DPYD: variants seen among roughly 807,000 people sequenced by gnomAD.
The protein encoded by DPYD is dihydropyrimidine dehydrogenase [NADP(+)].
Under a neutral mutation model 116.2 loss-of-function variants are expected in DPYD, and 109 were observed. The ratio of observed to expected loss-of-function variants is 0.94; its 90% CI spans 0.80 to 1.10. The LOEUF (loss-of-function observed/expected upper bound fraction) is 1.10. Ranked by LOEUF, DPYD falls within the 50% of genes least tolerant of loss-of-function variation. The pLI is 0.00. For synonymous variants in DPYD, 440 were observed against 432.0 expected (o/e 1.02, Z -0.23); for missense variants, 1,302 against 1,254.5 (o/e 1.04, Z -0.57).
At chr1:97,782,197 C>A (rs1221701873) in intron 3 of DPYD, among the ~76,000 whole-genome samples, 1 of 152,226 alleles carries the variant, frequency 6.6e-6, no homozygotes, top group Non-Finnish European at 1.5e-5. Context: ...TAAACCACTG[C>A]AAACAAAGGT....
intron 18 of DPYD, among the ~76,000 whole-genome samples, chr1:97,269,665 C>A (rs1664449732): frequency 6.6e-6 from 1 of 152,146 alleles, no homozygotes; most frequent in Non-Finnish European, 1.5e-5. Context: ...GAGATGGCTG[C>A]TTTCTCACTG....
intron 8 of DPYD, among the ~76,000 whole-genome samples, chr1:97,635,470 C>T (rs1397670725): frequency 6.6e-6 from 1 of 152,138 alleles, no homozygotes; most frequent in East Asian, 1.9e-4. Flanking sequence ...TATGTGTTAA[C>T]GATGTAATTG....
intron 5 of DPYD, among the ~76,000 whole-genome samples, chr1:97,717,612 C>T (rs1275393399): frequency 6.6e-6 from 1 of 152,030 alleles, no homozygotes; most frequent in African/African-American, 2.4e-5. Context: ...TCTCTTCCCC[C>T]TAAGTCCACA....
chr1:97,908,656 C>T (rs72981725), intron 1 of DPYD, among the ~76,000 whole-genome samples: 2,809 of 152,122 alleles, frequency 0.018, 92 homozygotes, highest in African/African-American at 0.064. Context: ...CTTGACTTTA[C>T]CATGATTATC....
intron 10 of DPYD, among the ~76,000 whole-genome samples, chr1:97,581,395 G>A (rs1177483284): frequency 5.4e-5 from 8 of 148,664 alleles, no homozygotes; most frequent in Admixed American, 5.4e-4. Context: ...TAAAGGCAGT[G>A]TACTTGAATG....
At chr1:97,530,717 C>G (rs781339979) in intron 12 of DPYD, among the ~76,000 whole-genome samples, 27 of 152,284 alleles carry the variant, frequency 1.8e-4, no homozygotes, top group Non-Finnish European at 3.7e-4. Context: ...TTTTCTATAG[C>G]AGTTTCACCA....
At chr1:97,848,176 C>T (rs141941048) in intron 2 of DPYD, among the ~76,000 whole-genome samples, 3 of 152,166 alleles carry the variant, frequency 2.0e-5, no homozygotes, top group African/African-American at 7.2e-5. Context: ...TGGCTCACTG[C>T]AAGCTCCGCC....
chr1:97,245,013 T>C (rs536436619), intron 18 of DPYD, among the ~76,000 whole-genome samples: 8 of 152,214 alleles, frequency 5.3e-5, no homozygotes, highest in Non-Finnish European at 5.9e-5. Flanking sequence ...CCACTTCATA[T>C]GAAAAAATAA....
intron 20 of DPYD, among the ~76,000 whole-genome samples, chr1:97,153,534 G>T (rs953645241): frequency 6.6e-6 from 1 of 151,966 alleles, no homozygotes; most frequent in Non-Finnish European, 1.5e-5. Flanking sequence ...AAGACCTGAA[G>T]CCATATAAGT....
chr1:97,503,264 T>TTA (rs1679697263), intron 13 of DPYD, among the ~76,000 whole-genome samples: 1 of 152,034 alleles, frequency 6.6e-6, no homozygotes, highest in South Asian at 2.1e-4. Flanking sequence ...AATGTTTGTT[T>TTA]ATTCCCCCCA....
At chr1:97,728,510 G>A (rs1476794100) in intron 4 of DPYD, among the ~76,000 whole-genome samples, 1 of 151,938 alleles carries the variant, frequency 6.6e-6, no homozygotes, top group Non-Finnish European at 1.5e-5. Context: ...TTAACAAATA[G>A]TCCTATCATA....
chr1:97,756,445 T>C (rs1308575011), intron 3 of DPYD, among the ~76,000 whole-genome samples: 1 of 152,160 alleles, frequency 6.6e-6, no homozygotes, highest in Non-Finnish European at 1.5e-5. Flanking sequence ...ACATCTAAAA[T>C]GGATATTTTT....
At position 97,920,968 on chromosome 1, in the gene DPYD, C is replaced by T; in HGVS notation, c.-46G>A. ...GTCTGCCAGTGACAAACCCTCCTTG[C>T]GTCCTCAAGCTCCAGCCAGAGAGCC... On this transcript the variant is annotated 5_prime_UTR_variant, in exon 1 of 23. Transcript: ENST00000370192. 1.3e-6 allele frequency: 2 copies of T among 1,559,558 alleles called. No homozygotes were observed. Among genetic ancestry groups the T allele is most frequent in the Non-Finnish European group, 1.7e-6 (2 of 1,151,548 alleles).
intron 10 of DPYD, among the ~76,000 whole-genome samples, chr1:97,581,559 T>C (rs140747913): frequency 7.3e-4 from 111 of 151,246 alleles, no homozygotes; most frequent in African/African-American, 2.5e-3. Context: ...CTGGGTAAAA[T>C]AGAGAAACCT....
At chr1:97,823,864 CTTTTTTTTTTTTT>C in intron 3 of DPYD, among the ~76,000 whole-genome samples, 1 of 81,710 alleles carries the variant, frequency 1.2e-5, no homozygotes, top group Non-Finnish European at 2.3e-5. Context: ...ACTACAAAGT[CTTTTTTTTTTTTT>C]TTTTTTTTTT....
At chr1:97,868,907 A>C (rs1671527380) in intron 2 of DPYD, among the ~76,000 whole-genome samples, 1 of 151,846 alleles carries the variant, frequency 6.6e-6, no homozygotes, top group Admixed American at 6.6e-5. Flanking sequence ...TACATAGTTT[A>C]AGCCAATAAA....
intron 19 of DPYD, among the ~76,000 whole-genome samples, chr1:97,228,196 G>T (rs1306610021): frequency 6.6e-6 from 1 of 150,380 alleles, no homozygotes; most frequent in Admixed American, 6.6e-5. Flanking sequence ...ACAATGCTAA[G>T]AATATATAGT....
intron 8 of DPYD, among the ~76,000 whole-genome samples, chr1:97,629,356 A>T (rs1257292141): frequency 6.6e-6 from 1 of 152,080 alleles, no homozygotes; most frequent in Non-Finnish European, 1.5e-5. Flanking sequence ...AAAATAAAGC[A>T]TGTGTTAAAA....
At chr1:97,543,771 T>C (rs970877379) in intron 12 of DPYD, among the ~76,000 whole-genome samples, 5 of 152,252 alleles carry the variant, frequency 3.3e-5, no homozygotes, top group Admixed American at 6.5e-5. Context: ...ATATTTTTCC[T>C]ATGTAATAGA....
Sources: gnomAD v4.1 joint callset for allele counts (sites outside exome capture counted in the v4.1 genomes callset) on GRCh38, gnomAD v4.1.1 for gene constraint, MANE v1.5 for transcripts, NCBI Gene and HGNC (gene_info 2026-07-23, HGNC 2026-07-21) for gene names.